The following HMGCLL1 variants were observed in gnomAD, a reference collection of about 807,000 sequenced individuals.
HMGCLL1 encodes the protein 3-hydroxy-3-methylglutaryl-CoA lyase like 1, also known as 3-hydroxymethyl-3-methylglutaryl-CoA lyase, cytoplasmic.
Under a neutral mutation model 39.1 loss-of-function variants are expected in HMGCLL1, and 36 were observed. The ratio of observed to expected loss-of-function variants is 0.92; its 90% CI spans 0.71 to 1.22. The LOEUF is 1.22. HMGCLL1 is among the 50% of genes most tolerant of loss of function. The pLI is 0.00. For synonymous variants in HMGCLL1, 149 were observed against 144.0 expected (o/e 1.03, Z -0.25); for missense variants, 451 against 416.5 (o/e 1.08, Z -0.72).
chr6:55,637,870 T>C, the HMGCLL1 span, among the ~76,000 whole-genome samples: 1 of 152,040 alleles, frequency 6.6e-6, no homozygotes, highest in South Asian at 2.1e-4. Context: ...GTCACAACAG[T>C]GGCTTTGTAA....
chr6:55,566,308 C>A (rs1771208117), intron 1 of HMGCLL1, among the ~76,000 whole-genome samples: 1 of 152,118 alleles, frequency 6.6e-6, no homozygotes, highest in East Asian at 1.9e-4. Context: ...GTTTGCCAAG[C>A]TTCCTAGACC....
chr6:55,441,924 C>T (rs1284042949), intron 7 of HMGCLL1, among the ~76,000 whole-genome samples: 1 of 152,052 alleles, frequency 6.6e-6, no homozygotes, highest in African/African-American at 2.4e-5. Context: ...CTCCTAACCT[C>T]AAGTGATCCC....
At chr6:55,442,956 A>G (rs1221133422) in intron 7 of HMGCLL1, among the ~76,000 whole-genome samples, 1 of 152,190 alleles carries the variant, frequency 6.6e-6, no homozygotes, top group African/African-American at 2.4e-5. Flanking sequence ...AAACTGATCT[A>G]TTCAGTGGAT....
At chr6:55,666,430 T>C in the HMGCLL1 span, among the ~76,000 whole-genome samples, 1 of 151,582 alleles carries the variant, frequency 6.6e-6, no homozygotes, top group Non-Finnish European at 1.5e-5. Flanking sequence ...GTAGGCAAAG[T>C]CCTTAAGCAA....
the HMGCLL1 span, among the ~76,000 whole-genome samples, chr6:55,611,893 A>G: frequency 2.3e-4 from 35 of 152,178 alleles, no homozygotes; most frequent in Non-Finnish European, 3.7e-4. Flanking sequence ...GAAAACCAGC[A>G]CAAGAAAAGG....
chr6:55,602,986 A>G, the HMGCLL1 span, among the ~76,000 whole-genome samples: 2 of 152,068 alleles, frequency 1.3e-5, no homozygotes. Context: ...TTGGTTTTTT[A>G]ACGAGTTCCC....
In HMGCLL1 at chr6:55,479,625, AG is replaced by A. The variant is rs553756377; in HGVS notation, c.795+15793del. Among the ~76,000 whole-genome samples the A allele has an allele frequency of 6.5e-4, 98 of 151,692 alleles. 1 individual carries two copies. The Middle Eastern group carries it at 0.01, about 16-fold the overall frequency. On this transcript the variant is annotated intron_variant, in intron 7 of 8. Coordinates refer to ENST00000274901, the MANE Select transcript of HMGCLL1 (RefSeq NM_001042406.2). ...CATTTTTCATTTTTTATATTAGCACAGTAGGTCAGAACAATGTAGACACTCA... is the reference window on the plus strand; with the variant it reads ...CATTTTTCATTTTTTATATTAGCACATAGGTCAGAACAATGTAGACACTCA...
intron 3 of HMGCLL1, among the ~76,000 whole-genome samples, chr6:55,518,910 T>G (rs4236132): frequency 6.6e-6 from 1 of 151,930 alleles, no homozygotes. Context: ...TGTTTACTTA[T>G]GCCACTAAGT....
chr6:55,469,852 A>G (rs1162144876), intron 7 of HMGCLL1, among the ~76,000 whole-genome samples: 1 of 151,896 alleles, frequency 6.6e-6, no homozygotes, highest in Non-Finnish European at 1.5e-5. Flanking sequence ...CTAGATCTGG[A>G]GGTTTCATAT....
At chr6:55,523,922 T>C (rs977962177) in intron 3 of HMGCLL1, among the ~76,000 whole-genome samples, 5 of 151,976 alleles carry the variant, frequency 3.3e-5, no homozygotes, top group Non-Finnish European at 5.9e-5. Flanking sequence ...ATCAAAAATA[T>C]ATTCCATATA....
At chr6:55,651,513 A>G in the HMGCLL1 span, among the ~76,000 whole-genome samples, 1 of 152,082 alleles carries the variant, frequency 6.6e-6, no homozygotes, top group South Asian at 2.1e-4. Context: ...AGAAGGAAGG[A>G]GCAACTTTCC....
At chr6:55,596,361 G>T in the HMGCLL1 span, among the ~76,000 whole-genome samples, 1 of 152,056 alleles carries the variant, frequency 6.6e-6, no homozygotes, top group Non-Finnish European at 1.5e-5. Context: ...AATAGGAATT[G>T]AAAATCTTTA....
At chr6:55,502,768 G>T (rs1328401484) in intron 5 of HMGCLL1, among the ~76,000 whole-genome samples, 1 of 149,520 alleles carries the variant, frequency 6.7e-6, no homozygotes, top group Non-Finnish European at 1.5e-5. Flanking sequence ...TCAAATACAT[G>T]ATTTTGCTAT....
intron 3 of HMGCLL1, among the ~76,000 whole-genome samples, chr6:55,524,251 T>C (rs185310800): frequency 5.3e-5 from 8 of 151,646 alleles, no homozygotes; most frequent in African/African-American, 1.9e-4. Flanking sequence ...GAACAAAGAA[T>C]GTATAGTCAC....
the HMGCLL1 span, among the ~76,000 whole-genome samples, chr6:55,643,559 T>C: frequency 6.6e-6 from 1 of 151,908 alleles, no homozygotes; most frequent in Non-Finnish European, 1.5e-5. Context: ...TTATTTTTTC[T>C]TTCTAGTTTT....
At chr6:55,451,559 A>G (rs1764083358) in intron 7 of HMGCLL1, among the ~76,000 whole-genome samples, 1 of 118,204 alleles carries the variant, frequency 8.5e-6, no homozygotes, top group Non-Finnish European at 1.8e-5. Flanking sequence ...CCAAAAAAAC[A>G]AAAACAAAAA....
chr6:55,619,410 C>T, the HMGCLL1 span, among the ~76,000 whole-genome samples: 2 of 151,996 alleles, frequency 1.3e-5, no homozygotes, highest in East Asian at 1.9e-4. Flanking sequence ...AATGCCTTTT[C>T]GCATATTTCA....
rs901679775 is a variant in HMGCLL1 at position 55,446,631 on chromosome 6, T to C, written c.796-7072A>G. On this transcript the variant is annotated intron_variant, in intron 7 of 8. Coordinates refer to ENST00000274901, the MANE Select transcript of HMGCLL1 (RefSeq NM_001042406.2). ...AATCTTAGGTGAGCTCTGGGGAGTA[T>C]TGATTCTGTATGATGTTCTAATGGT... Among the ~76,000 whole-genome samples the C allele has an allele frequency of 2.6e-5, 4 of 151,956 alleles. No homozygotes were observed. The East Asian group carries it at 7.7e-4, about 29-fold the overall frequency.
chr6:55,462,856 G>A (rs1198300364), intron 7 of HMGCLL1, among the ~76,000 whole-genome samples: 5 of 152,044 alleles, frequency 3.3e-5, no homozygotes, highest in Admixed American at 6.6e-5. Flanking sequence ...ACTGCAGAAC[G>A]TGTAGACACA....
Sources: allele counts gnomAD v4.1 joint callset (sites outside exome capture counted in the v4.1 genomes callset), GRCh38; gene constraint gnomAD v4.1.1; transcripts MANE v1.5; gene names NCBI Gene and HGNC (gene_info 2026-07-23, HGNC 2026-07-21).